The following CFAP47 variants were observed in gnomAD, a reference collection of about 807,000 sequenced individuals.
The protein encoded by CFAP47 is cilia- and flagella-associated protein 47.
Under a neutral mutation model 148.1 loss-of-function variants are expected in CFAP47, and 29 were observed. The observed-to-expected ratio is 0.20, with a 90% CI of 0.15 to 0.27. CFAP47 has a LOEUF of 0.27. Ranked by LOEUF, CFAP47 falls within the 10% of genes least tolerant of loss-of-function variation. CFAP47 has a pLI of 1.00. For missense variants in CFAP47, 1,872 were observed against 1,697.5 expected (o/e 1.10, Z -1.81); for synonymous variants, 664 against 577.3 (o/e 1.15, Z -2.15).
intron 1 of CFAP47, among the ~76,000 whole-genome samples, chrX:35,924,041 G>GTATATA (rs1772737860): frequency 1.1e-5 from 1 of 94,024 alleles, no homozygotes; most frequent in African/African-American, 4.6e-5. Context: ...GCACATATAT[G>GTATATA]TGTATATGTA....
intron 3 of CFAP47, 150 bp downstream of exon 3, chrX:35,941,548 G>A: frequency 3.0e-6 from 1 of 332,263 alleles, no homozygotes; most frequent in Non-Finnish European, 5.2e-6. Context: ...TAGTATTACT[G>A]TAAAAGACTG....
intron 8 of CFAP47, among the ~76,000 whole-genome samples, chrX:35,961,819 A>G (rs1473781427): frequency 9.0e-6 from 1 of 111,048 alleles, no homozygotes; most frequent in Non-Finnish European, 1.9e-5. Flanking sequence ...TATCTTTATT[A>G]TTTATTACTA....
At chrX:35,954,695 G>A (rs1936218618) in intron 7 of CFAP47, among the ~76,000 whole-genome samples, 2 of 111,859 alleles carry the variant, frequency 1.8e-5, no homozygotes. Flanking sequence ...TAGTTACACT[G>A]CTCTCTCTCT....
At chrX:36,303,725 A>G in intron 53 of CFAP47, 124 bp from the exon 54 acceptor site, 6 of 380,978 alleles carry the variant, frequency 1.6e-5, no homozygotes, top group Non-Finnish European at 2.8e-5. Context: ...AGTACTAGGA[A>G]TTAAGACTTC....
chrX:36,176,653 C>T (rs984681670), intron 39 of CFAP47, among the ~76,000 whole-genome samples: 1 of 112,477 alleles, frequency 8.9e-6, no homozygotes, highest in African/African-American at 3.2e-5. Context: ...TGCCTGTAAT[C>T]CCAGCACTTT....
intron 62 of CFAP47, among the ~76,000 whole-genome samples, chrX:36,369,159 C>A (rs1013648003): frequency 9.0e-6 from 1 of 111,023 alleles, no homozygotes; most frequent in African/African-American, 3.3e-5. Flanking sequence ...AGACTTAGTT[C>A]ATTAGATTGC....
At chrX:35,928,238 G>C (rs1483829667) in intron 2 of CFAP47, among the ~76,000 whole-genome samples, 1 of 110,399 alleles carries the variant, frequency 9.1e-6, no homozygotes, top group African/African-American at 3.3e-5. Context: ...TTGCTTTTCA[G>C]AGCGCCTGTA....
At chrX:36,128,814 A>G (rs1938892405) in intron 33 of CFAP47, among the ~76,000 whole-genome samples, 1 of 110,296 alleles carries the variant, frequency 9.1e-6, no homozygotes, top group Non-Finnish European at 1.9e-5. Flanking sequence ...CCTGGCACAA[A>G]CTCAAATTTT....
chrX:36,204,442 G>A (rs1467052484), intron 44 of CFAP47, among the ~76,000 whole-genome samples: 1 of 107,933 alleles, frequency 9.3e-6, no homozygotes, highest in African/African-American at 3.6e-5. Flanking sequence ...GGTTGGGGGA[G>A]GGGGAGGGAT....
chrX:36,154,793 A>T (rs1054059570), intron 37 of CFAP47, among the ~76,000 whole-genome samples: 84 of 106,646 alleles, frequency 7.9e-4, no homozygotes, highest in Non-Finnish European at 1.0e-3. Flanking sequence ...TTTATATAGT[A>T]ATGTTGGCTT....
chrX:36,148,606 A>G (rs1019662672), intron 36 of CFAP47, among the ~76,000 whole-genome samples: 2 of 111,920 alleles, frequency 1.8e-5, no homozygotes, highest in African/African-American at 6.5e-5. Context: ...GAGACAGCCA[A>G]CCCTTCGTTG....
intron 37 of CFAP47, among the ~76,000 whole-genome samples, chrX:36,150,803 CTTCT>C (rs1439049952): frequency 9.0e-6 from 1 of 111,225 alleles, no homozygotes; most frequent in Non-Finnish European, 1.9e-5. Flanking sequence ...TACTTGCCTG[CTTCT>C]TTATTATAAA....
chrX:36,053,265 T>C (rs1937529245), intron 26 of CFAP47, among the ~76,000 whole-genome samples: 1 of 111,732 alleles, frequency 8.9e-6, no homozygotes, highest in Admixed American at 9.5e-5. Context: ...TAAGAAGAAT[T>C]ACTAAGGATA....
chrX:35,976,018 G>A, intron 15 of CFAP47, 105 bp downstream of exon 15: 1 of 794,044 alleles, frequency 1.3e-6, no homozygotes, highest in Non-Finnish European at 1.8e-6. Flanking sequence ...GGTGCCAAGA[G>A]TATAGAAGTA....
intron 51 of CFAP47, among the ~76,000 whole-genome samples, chrX:36,294,738 A>T (rs1327809686): frequency 9.0e-6 from 1 of 111,243 alleles, no homozygotes; most frequent in Admixed American, 9.6e-5. Context: ...TGAAAATAAA[A>T]AATAAATAAA....
At chrX:35,942,737 CTG>C (rs1936028351) in intron 3 of CFAP47, among the ~76,000 whole-genome samples, 1 of 111,504 alleles carries the variant, frequency 9.0e-6, no homozygotes, top group Non-Finnish European at 1.9e-5. Flanking sequence ...TGAAAACTCT[CTG>C]TAAGTAAAAA....
At chrX:36,303,465 A>C (rs935249471) in intron 53 of CFAP47, among the ~76,000 whole-genome samples, 1 of 110,802 alleles carries the variant, frequency 9.0e-6, no homozygotes, top group Non-Finnish European at 1.9e-5. Context: ...GATTACAGGC[A>C]TGAGCCACTG....
Position 35,951,850 on chromosome X carries a change from C to T in CFAP47, c.933C>T (p.Thr311=). Residue 311 remains threonine, a synonymous_variant, in exon 6 of 64, where the codon ACC becomes ACT. Coordinates refer to ENST00000378653, the MANE Select transcript of CFAP47 (RefSeq NM_001304548.2). ...QRTDIALNNL[T]YIRKIKNIDT... Reference sequence around the variant, plus strand: ...CAGATATTGCTTTAAATAATCTCACCTACATAAGAAAAATAAAGAACATAG... The same window carrying T: ...CAGATATTGCTTTAAATAATCTCACTTACATAAGAAAAATAAAGAACATAG... The T allele has an allele frequency of 8.6e-7, 1 of 1,164,305 alleles. No individual in the cohort carries two copies. Among genetic ancestry groups the T allele is most frequent in the Non-Finnish European group, 1.1e-6 (1 of 879,117 alleles).
In CFAP47 at chrX:35,968,400, A is replaced by G. The variant is rs1038097222; in HGVS notation, c.1814+568A>G. On this transcript the variant is annotated intron_variant, in intron 10 of 63. Coordinates refer to ENST00000378653, the MANE Select transcript of CFAP47 (RefSeq NM_001304548.2). ...CTCAGTTTATATTTATCCAAATCTC[A>G]AATAAATTACTAATTTTCCAATGGT... 4.9e-4 allele frequency among the ~76,000 whole-genome samples: 55 copies of G among 111,610 alleles called. 1 individual carries two copies. Among genetic ancestry groups the G allele is most frequent in the Admixed American group, 4.8e-4 (5 of 10,442 alleles).
Sources: allele counts gnomAD v4.1 joint callset (sites outside exome capture counted in the v4.1 genomes callset), GRCh38; gene constraint gnomAD v4.1.1; transcripts MANE v1.5; gene names NCBI Gene and HGNC (gene_info 2026-07-23, HGNC 2026-07-21).